MTARC2: variants seen among roughly 807,000 people sequenced by gnomAD.
MTARC2 encodes the protein MOCO sulphurase C-terminal domain containing 2.
A neutral mutation model predicts 35.6 loss-of-function variants in MTARC2; 27 were observed. That is an observed-to-expected ratio of 0.76 (90% CI 0.56 to 1.04). MTARC2 has a LOEUF of 1.04. Among genes scored for constraint, MTARC2 ranks in the 50% least tolerant of loss-of-function variants. The pLI is 0.00. For synonymous variants in MTARC2, 158 were observed against 167.1 expected, an observed-to-expected ratio of 0.95 and a Z score of 0.42; for missense variants, 412 against 432.5, an observed-to-expected ratio of 0.95 and a Z score of 0.42.
At chr1:220,764,279 G>A (rs1671520260) in intron 4 of MTARC2, among the ~76,000 whole-genome samples, 1 of 152,070 alleles carries the variant, frequency 6.6e-6, no homozygotes, top group African/African-American at 2.4e-5. Flanking sequence ...TTTTAGTAGA[G>A]ATGGGATTTC....
At chr1:220,749,381 G>C (rs1224896215) in intron 1 of MTARC2, among the ~76,000 whole-genome samples, 1 of 151,720 alleles carries the variant, frequency 6.6e-6, no homozygotes, top group Admixed American at 6.6e-5. Flanking sequence ...GGGACTTTTG[G>C]GCCTGACACA....
At chr1:220,757,935 C>T (rs1671326736) in intron 2 of MTARC2, among the ~76,000 whole-genome samples, 1 of 152,092 alleles carries the variant, frequency 6.6e-6, no homozygotes, top group Non-Finnish European at 1.5e-5. Flanking sequence ...GACATTTGGA[C>T]AAGGCTGAAG....
chr1:220,762,882 G>A, intron 3 of MTARC2, 28 bp from the exon 4 acceptor site: 2 of 1,613,400 alleles, frequency 1.2e-6, no homozygotes, highest in Non-Finnish European at 1.7e-6. Flanking sequence ...GGAGTGGTGG[G>A]GCCTGACTAT....
chr1:220,778,824 T>C (rs1310103344), intron 4 of MTARC2, among the ~76,000 whole-genome samples: 1 of 152,120 alleles, frequency 6.6e-6, no homozygotes, highest in Non-Finnish European at 1.5e-5. Context: ...AGAAGGAAAG[T>C]GTCATGCTTA....
At chr1:220,751,383 GA>G (rs1212705301) in intron 1 of MTARC2, among the ~76,000 whole-genome samples, 1 of 152,152 alleles carries the variant, frequency 6.6e-6, no homozygotes, top group Non-Finnish European at 1.5e-5. Context: ...CCTGACCTTG[GA>G]AATCTCTGCT....
intron 4 of MTARC2, among the ~76,000 whole-genome samples, chr1:220,770,010 G>A (rs1303035063): frequency 6.6e-6 from 1 of 151,480 alleles, no homozygotes; most frequent in Non-Finnish European, 1.5e-5. Context: ...GGGAGGCTGA[G>A]GCAGGAGAAT....
At chr1:220,768,046 C>T (rs1489461490) in intron 4 of MTARC2, among the ~76,000 whole-genome samples, 1 of 152,176 alleles carries the variant, frequency 6.6e-6, no homozygotes, top group Non-Finnish European at 1.5e-5. Flanking sequence ...GTAATGATAA[C>T]AATATACAAA....
At chr1:220,783,217 T>C (rs1458874361) in intron 7 of MTARC2, among the ~76,000 whole-genome samples, 1 of 149,684 alleles carries the variant, frequency 6.7e-6, no homozygotes, top group Non-Finnish European at 1.5e-5. Flanking sequence ...CAGTGATGCA[T>C]AAAATTATCA....
At chr1:220,752,043 T>A (rs1157391610) in intron 1 of MTARC2, among the ~76,000 whole-genome samples, 1 of 152,228 alleles carries the variant, frequency 6.6e-6, no homozygotes, top group Non-Finnish European at 1.5e-5. Context: ...GGACTCCCTG[T>A]AAGTTGCCAG....
At chr1:220,759,700 T>A (rs1017200546) in intron 2 of MTARC2, among the ~76,000 whole-genome samples, 3 of 152,002 alleles carry the variant, frequency 2.0e-5, no homozygotes, top group African/African-American at 7.2e-5. Flanking sequence ...TGGGATGGAA[T>A]CAGTTTTAGG....
intron 6 of MTARC2, among the ~76,000 whole-genome samples, chr1:220,781,489 G>A (rs984238852): frequency 6.6e-6 from 1 of 152,218 alleles, no homozygotes; most frequent in African/African-American, 2.4e-5. Flanking sequence ...TTGTGAAGTT[G>A]AAGGTACCCA....
At chr1:220,755,359 C>T (rs1046969829) in intron 2 of MTARC2, among the ~76,000 whole-genome samples, 12 of 152,142 alleles carry the variant, frequency 7.9e-5, no homozygotes, top group African/African-American at 2.9e-4. Context: ...ATAGAAATGA[C>T]TGTCCTGAAA....
intron 4 of MTARC2, among the ~76,000 whole-genome samples, chr1:220,776,841 A>T (rs76495903): frequency 6.6e-6 from 1 of 152,234 alleles, no homozygotes; most frequent in Non-Finnish European, 1.5e-5. Context: ...GCCAGGGTCC[A>T]TTCAGCACAG....
chr1:220,767,139 C>T (rs934455720), intron 4 of MTARC2, among the ~76,000 whole-genome samples: 7 of 151,916 alleles, frequency 4.6e-5, no homozygotes, highest in Non-Finnish European at 7.4e-5. Context: ...CCTCTGGCCA[C>T]GCACATTAAA....
intron 4 of MTARC2, among the ~76,000 whole-genome samples, chr1:220,769,777 C>T (rs1178210827): frequency 1.3e-5 from 2 of 151,030 alleles, no homozygotes; most frequent in African/African-American, 2.4e-5. Flanking sequence ...TATGTGTGGT[C>T]GGTAAAGGCA....
chr1:220,765,036 G>T (rs941930848), intron 4 of MTARC2, among the ~76,000 whole-genome samples: 1 of 152,202 alleles, frequency 6.6e-6, no homozygotes, highest in Non-Finnish European at 1.5e-5. Flanking sequence ...ACGTGCTTTA[G>T]TGTACACACT....
intron 4 of MTARC2, among the ~76,000 whole-genome samples, chr1:220,768,689 C>A (rs777793383): frequency 3.5e-4 from 53 of 152,130 alleles, no homozygotes; most frequent in Middle Eastern, 3.4e-3. Flanking sequence ...GACAATTGTG[C>A]TCAGTAAAAA....
chr1:220,762,838 T>C, intron 3 of MTARC2, 72 bp from the exon 4 acceptor site: 1 of 1,548,846 alleles, frequency 6.5e-7, no homozygotes, highest in Non-Finnish European at 8.9e-7. Flanking sequence ...TTCTGGACAT[T>C]ACTTAGCTTT....
intron 2 of MTARC2, among the ~76,000 whole-genome samples, chr1:220,761,224 C>T (rs1671427008): frequency 6.6e-6 from 1 of 152,210 alleles, no homozygotes; most frequent in Admixed American, 6.5e-5. Context: ...CTTATGGTCA[C>T]AGAACTAGAG....
Sources: gnomAD v4.1 joint callset for allele counts (sites outside exome capture counted in the v4.1 genomes callset) on GRCh38, gnomAD v4.1.1 for gene constraint, MANE v1.5 for transcripts, NCBI Gene and HGNC (gene_info 2026-07-23, HGNC 2026-07-21) for gene names.